FRK: variants seen among roughly 807,000 people sequenced by gnomAD.
The protein encoded by FRK is fyn related Src family tyrosine kinase.
FRK carries 51 observed loss-of-function variants against 56.4 expected under a neutral mutation model. The observed-to-expected ratio is 0.90, with a 90% CI of 0.72 to 1.14. The LOEUF (loss-of-function observed/expected upper bound fraction) is 1.14, where lower values mean the gene tolerates loss of function less well. FRK is among the 50% of genes most tolerant of loss of function. The pLI is 0.00. For synonymous variants in FRK, 245 were observed against 217.9 expected (o/e 1.12, Z -1.10); for missense variants, 570 against 601.4 (o/e 0.95, Z 0.55).
At chr6:116,042,656 A>T (rs780761262) in intron 1 of FRK, among the ~76,000 whole-genome samples, 1 of 152,168 alleles carries the variant, frequency 6.6e-6, no homozygotes, top group Non-Finnish European at 1.5e-5. Flanking sequence ...GACCATCGAC[A>T]CTGTGAAGAA....
chr6:116,007,326 GT>G (rs1775280333), intron 1 of FRK, among the ~76,000 whole-genome samples: 1 of 152,286 alleles, frequency 6.6e-6, no homozygotes, highest in South Asian at 2.1e-4. Flanking sequence ...TTCAAATAAT[GT>G]TTTATGAGCA....
At chr6:116,036,563 T>G (rs374964401) in intron 1 of FRK, among the ~76,000 whole-genome samples, 1 of 152,132 alleles carries the variant, frequency 6.6e-6, no homozygotes, top group African/African-American at 2.4e-5. Context: ...TGTACAATGA[T>G]GCAATAGAAA....
intron 2 of FRK, among the ~76,000 whole-genome samples, chr6:115,997,440 CAAA>C (rs200897548): frequency 7.4e-6 from 1 of 135,704 alleles, no homozygotes; most frequent in Non-Finnish European, 1.6e-5. Flanking sequence ...TCTCCCTGAC[CAAA>C]AAAAAAAAAG....
chr6:116,024,079 C>G (rs1775982618), intron 1 of FRK, among the ~76,000 whole-genome samples: 1 of 151,488 alleles, frequency 6.6e-6, no homozygotes. Flanking sequence ...CACACACACA[C>G]ACACACACAC....
At chr6:115,993,310 A>C (rs573331001) in intron 2 of FRK, among the ~76,000 whole-genome samples, 1 of 151,972 alleles carries the variant, frequency 6.6e-6, no homozygotes, top group South Asian at 2.1e-4. Flanking sequence ...GAGAAAAATA[A>C]GAAAGATTTT....
rs1562257394 is a variant in FRK, at chr6:115,958,703, A to AGAAAGAAG, written c.800-2094_800-2093insCTTCTTTC. Among the ~76,000 whole-genome samples the AGAAAGAAG allele has an allele frequency of 3.6e-3, 17 of 4,730 alleles. 1 individual carries two copies. Among genetic ancestry groups the AGAAAGAAG allele is most frequent in the African/African-American group, 0.01 (16 of 1,562 alleles). 3.1% of individuals were successfully genotyped at this position (4,730 alleles called of 152,430 possible). A position where few individuals can be genotyped will look rare whatever the true frequency, so the allele number is the denominator to read the frequency against. On this transcript the variant is annotated intron_variant, in intron 4 of 7. Transcript: ENST00000606080. Reference sequence around the variant, plus strand: ...AAGAAAGAAAGAAAGAAAGAAAGAAAGAAGAAAGAAAGAAAGAAAGAAAGA... The same window carrying AGAAAGAAG: ...AAGAAAGAAAGAAAGAAAGAAAGAAAGAAAGAAGGAAGAAAGAAAGAAAGAAAGAAAGA...
chr6:116,096,493 C>G, the FRK span, among the ~76,000 whole-genome samples: 1 of 151,994 alleles, frequency 6.6e-6, no homozygotes, highest in Admixed American at 6.6e-5. Flanking sequence ...ACTGTAAACA[C>G]GCCAATCAGC....
Position 115,942,532 on chromosome 6 carries a change from A to G in FRK, c.1400T>C (p.Leu467Ser). 1 of 1,613,846 alleles carries G rather than the reference A, an allele frequency of 6.2e-7. No individual in the cohort carries two copies. The highest frequency in any genetic ancestry group is 2.2e-5 in the East Asian group (1 of 44,878). Residue 467 changes from leucine to serine, a missense_variant, in exon 8 of 8, where the codon TTG becomes TCG. By Grantham distance (145) the Leu-to-Ser change is moderately radical. Transcript: ENST00000606080. ...CTTAGGCTCTGCATTCCAGCACTCC[A>G]ACATGATGTTGTAAAATTGCTGTGG... ...NCPQQFYNIM[L>S]ECWNAEPKER... is the part of the protein sequence containing the mutation.
the FRK span, among the ~76,000 whole-genome samples, chr6:116,085,228 G>A: frequency 1.3e-5 from 2 of 152,142 alleles, no homozygotes; most frequent in African/African-American, 4.8e-5. Context: ...GGAAGTGTGG[G>A]GAGTTGAGGG....
intron 2 of FRK, among the ~76,000 whole-genome samples, chr6:115,980,752 T>C (rs1408493868): frequency 1.3e-5 from 2 of 152,116 alleles, no homozygotes; most frequent in African/African-American, 4.8e-5. Flanking sequence ...CATAAAGAAC[T>C]CATGAACTCA....
chr6:116,070,823 C>G, the FRK span, among the ~76,000 whole-genome samples: 1 of 152,114 alleles, frequency 6.6e-6, no homozygotes, highest in Admixed American at 6.6e-5. Context: ...TTTCCTATGT[C>G]TATGCCAAGA....
At chr6:116,028,396 T>G (rs1776177934) in intron 1 of FRK, among the ~76,000 whole-genome samples, 2 of 152,178 alleles carry the variant, frequency 1.3e-5, no homozygotes, top group East Asian at 3.8e-4. Flanking sequence ...AAAACATTCA[T>G]TCAGTGTGTT....
the FRK span, among the ~76,000 whole-genome samples, chr6:116,078,101 A>G: frequency 6.6e-6 from 1 of 152,222 alleles, no homozygotes; most frequent in Non-Finnish European, 1.5e-5. Flanking sequence ...CGAAGGTTGC[A>G]GTGAGCTGAG....
chr6:115,975,216 T>C (rs1477890379), intron 2 of FRK, among the ~76,000 whole-genome samples: 1 of 152,178 alleles, frequency 6.6e-6, no homozygotes, highest in African/African-American at 2.4e-5. Flanking sequence ...ATCTAATTTC[T>C]TGATTTTTAA....
chr6:116,034,075 T>C (rs1442833765), intron 1 of FRK, among the ~76,000 whole-genome samples: 1 of 152,086 alleles, frequency 6.6e-6, no homozygotes, highest in African/African-American at 2.4e-5. Flanking sequence ...GGGGTAACCT[T>C]TGCGGGGCCA....
intron 1 of FRK, chr6:116,038,858 G>A: frequency 1.8e-6 from 1 of 542,080 alleles, no homozygotes; most frequent in Non-Finnish European, 3.7e-6. Context: ...CAAGGTGCCG[G>A]CCAACACTGA....
chr6:116,012,979 T>C (rs540706782), intron 1 of FRK, among the ~76,000 whole-genome samples: 11 of 152,294 alleles, frequency 7.2e-5, no homozygotes, highest in Non-Finnish European at 1.5e-4. Flanking sequence ...TGTAAAAAAT[T>C]TGTGATAAAG....
chr6:116,097,045 T>G, the FRK span, among the ~76,000 whole-genome samples: 4 of 152,186 alleles, frequency 2.6e-5, no homozygotes, highest in Admixed American at 2.0e-4. Context: ...TAAGTAGGCT[T>G]CTTCTTCTTG....
At chr6:116,087,069 C>T in the FRK span, among the ~76,000 whole-genome samples, 8 of 152,230 alleles carry the variant, frequency 5.3e-5, no homozygotes, top group Non-Finnish European at 7.3e-5. Context: ...GAGCAGAGCG[C>T]GCAGCATGAA....
Sources: gnomAD v4.1 joint callset for allele counts (sites outside exome capture counted in the v4.1 genomes callset) on GRCh38, gnomAD v4.1.1 for gene constraint, MANE v1.5 for transcripts, NCBI Gene and HGNC (gene_info 2026-07-23, HGNC 2026-07-21) for gene names.